The following KAT6B variants were observed in gnomAD, a reference collection of about 807,000 sequenced individuals.
The protein encoded by KAT6B is lysine acetyltransferase 6B.
In KAT6B, 10 loss-of-function variants were observed where a neutral mutation model predicts 187.5. The ratio of observed to expected loss-of-function variants is 0.05; its 90% CI spans 0.03 to 0.09. KAT6B has a LOEUF of 0.09. Among genes scored for constraint, KAT6B ranks in the 10% least tolerant of loss-of-function variants. KAT6B has a pLI of 1.00. For synonymous variants in KAT6B, 861 were observed against 926.8 expected (o/e 0.93, Z 1.29); for missense variants, 1,952 against 2,558.9 (o/e 0.76, Z 5.12).
intron 3 of KAT6B, among the ~76,000 whole-genome samples, chr10:74,862,460 C>T (rs1284070792): frequency 6.6e-6 from 1 of 152,160 alleles, no homozygotes; most frequent in Non-Finnish European, 1.5e-5. Context: ...ATGCCCAGAT[C>T]ACACCTCCAT....
At chr10:74,871,814 A>G (rs1407096275) in intron 3 of KAT6B, among the ~76,000 whole-genome samples, 1 of 152,230 alleles carries the variant, frequency 6.6e-6, no homozygotes, top group African/African-American at 2.4e-5. Context: ...TCAAACAGGA[A>G]CGCCCAGAAC....
chr10:75,027,044 C>G (rs991791332), intron 17 of KAT6B, among the ~76,000 whole-genome samples: 2 of 152,222 alleles, frequency 1.3e-5, no homozygotes, highest in Admixed American at 1.3e-4. Context: ...GAGGCTGAGG[C>G]AGGAGAATCG....
chr10:74,849,428 G>T (rs971441096), intron 3 of KAT6B, among the ~76,000 whole-genome samples: 3 of 151,934 alleles, frequency 2.0e-5, no homozygotes, highest in African/African-American at 7.3e-5. Context: ...AAGTAGCTGG[G>T]ATTACAGGCA....
intron 3 of KAT6B, among the ~76,000 whole-genome samples, chr10:74,872,058 G>A (rs1448122417): frequency 1.3e-5 from 2 of 152,152 alleles, no homozygotes; most frequent in Middle Eastern, 3.2e-3. Flanking sequence ...TGGCACATAC[G>A]AGAGCAACAA....
chr10:75,009,487 G>A (rs1211098397), intron 13 of KAT6B, among the ~76,000 whole-genome samples: 2 of 152,132 alleles, frequency 1.3e-5, no homozygotes, highest in African/African-American at 4.8e-5. Context: ...TTGTGGTGAA[G>A]CTCTGCTAAT....
chr10:74,953,581 C>T (rs1201863323), intron 3 of KAT6B, among the ~76,000 whole-genome samples: 1 of 152,082 alleles, frequency 6.6e-6, no homozygotes, highest in African/African-American at 2.4e-5. Context: ...TTGTTTTTAA[C>T]ACTTGGGATT....
At chr10:74,876,268 A>C (rs7911650) in intron 3 of KAT6B, among the ~76,000 whole-genome samples, 3,520 of 152,106 alleles carry the variant, frequency 0.023, 138 homozygotes, top group African/African-American at 0.08. Context: ...AATAGGTTTC[A>C]ACTTTCTAGG....
intron 3 of KAT6B, among the ~76,000 whole-genome samples, chr10:74,889,439 G>T (rs1845509996): frequency 6.6e-6 from 1 of 152,034 alleles, no homozygotes; most frequent in African/African-American, 2.4e-5. Context: ...AGATTCAGTG[G>T]GAGAGAATTG....
intron 6 of KAT6B, among the ~76,000 whole-genome samples, chr10:74,971,722 G>C (rs1296988634): frequency 6.6e-6 from 1 of 151,946 alleles, no homozygotes; most frequent in Non-Finnish European, 1.5e-5. Context: ...AGTTTTAAAT[G>C]TCAGTCATGC....
At chr10:74,888,942 A>G (rs1589555609) in intron 3 of KAT6B, among the ~76,000 whole-genome samples, 1 of 152,348 alleles carries the variant, frequency 6.6e-6, no homozygotes, top group Admixed American at 6.5e-5. Flanking sequence ...CTCAAAATTT[A>G]TATGTATTTG....
intron 1 of KAT6B, among the ~76,000 whole-genome samples, chr10:74,837,165 T>G (rs1172631921): frequency 3.9e-5 from 6 of 152,230 alleles, no homozygotes. Context: ...GATGTTTATG[T>G]AATACCAGTG....
chr10:75,028,417 G>T (rs1304458686), intron 17 of KAT6B, 72 bp from the exon 18 acceptor site: 74 of 1,607,660 alleles, frequency 4.6e-5, no homozygotes, highest in Non-Finnish European at 6.0e-5. Flanking sequence ...TTAGAGGAAT[G>T]AATTCAAGTT....
Position 74,981,926 on chromosome 10 carries a change from G to C in KAT6B, c.2371G>C (p.Glu791Gln). 1 of 1,613,712 alleles carries C rather than the reference G, an allele frequency of 6.2e-7. No individual in the cohort carries two copies. The highest frequency in any genetic ancestry group is 1.1e-5 in the South Asian group (1 of 91,066). The change falls in exon 11 of 18, where the codon GAG (glutamate) becomes CAG (glutamine). Residue 791 changes from glutamate to glutamine, a missense_variant and splice_region_variant. Glu to Gln is a conservative substitution (Grantham distance 29). This residue lies in a region of KAT6B where 87 missense variants were observed against 191.8 expected (regional missense o/e 0.45). Transcript: ENST00000287239. ...IYRRKDLSVF[E>Q]VDGNMSKIYC... ...CCGAAGGAAAGACCTTTCAGTATTT[G>C]AGGTAAGCGCGTGTAAATAAAAAAA... is the stretch of plus-strand genomic sequence containing the variant.
Position 74,994,285 on chromosome 10 carries a change from A to G in KAT6B, c.2629+5173A>G, listed in dbSNP as rs149103481. ...TGATTGATTTTGATGTTCCCCAAAC[A>G]TCAAATTGTCCCAGATTTATTTATC... On this transcript the variant is annotated intron_variant, in intron 13 of 17. Coordinates refer to ENST00000287239, the MANE Select transcript of KAT6B (RefSeq NM_012330.4). Among the ~76,000 whole-genome samples the G allele has an allele frequency of 7.2e-5, 11 of 152,368 alleles. No individual in the cohort carries two copies. The East Asian group carries it at 2.1e-3, about 29-fold the overall frequency.
intron 3 of KAT6B, among the ~76,000 whole-genome samples, chr10:74,939,076 C>CA (rs1362202999): frequency 1.3e-5 from 2 of 151,732 alleles, no homozygotes; most frequent in Non-Finnish European, 2.9e-5. Context: ...CACACACACA[C>CA]ACCAGTCCCC....
intron 4 of KAT6B, among the ~76,000 whole-genome samples, chr10:74,965,974 A>T (rs557085556): frequency 2.3e-4 from 35 of 150,264 alleles, no homozygotes; most frequent in African/African-American, 8.3e-4. Context: ...TGACCTCGTG[A>T]TCCACCCGCC....
rs909436149 is a variant in KAT6B at position 74,952,259 on chromosome 10, G to A, written c.622-7711G>A. Among the ~76,000 whole-genome samples the A allele has an allele frequency of 6.8e-5, 9 of 132,704 alleles. No homozygotes were observed. The South Asian group carries it at 8.0e-4, about 12-fold the overall frequency. The allele number at this position is 132,704 out of a possible 152,430, so 87.1% of individuals were successfully genotyped here. On this transcript the variant is annotated intron_variant, in intron 3 of 17. Transcript: ENST00000287239. ...AGTCCCAGCTACTTGGGAGGCTGAG[G>A]CGGGAGGATCACTTGAGCCCCTGGA...
chr10:74,938,116 G>A (rs943348894), intron 3 of KAT6B, among the ~76,000 whole-genome samples: 4 of 152,062 alleles, frequency 2.6e-5, no homozygotes, highest in Non-Finnish European at 4.4e-5. Context: ...TGGCTGTTTC[G>A]TTGTTGTTGT....
chr10:74,913,569 T>C (rs1334592329), intron 3 of KAT6B, among the ~76,000 whole-genome samples: 1 of 152,260 alleles, frequency 6.6e-6, no homozygotes, highest in African/African-American at 2.4e-5. Context: ...ATTCTCATAA[T>C]GTTAATTGCT....
Sources: gnomAD v4.1 joint callset for allele counts (sites outside exome capture counted in the v4.1 genomes callset) on GRCh38, gnomAD v4.1.1 for gene constraint, gnomAD v4.1.1 regional missense constraint, MANE v1.5 for transcripts, NCBI Gene and HGNC (gene_info 2026-07-23, HGNC 2026-07-21) for gene names.